The following COL14A1 variants were observed in gnomAD, a reference collection of about 807,000 sequenced individuals.
COL14A1 encodes the protein collagen alpha-1(XIV) chain.
In COL14A1, 136 loss-of-function variants were observed where a neutral mutation model predicts 230.3. The observed-to-expected ratio is 0.59, with a 90% confidence interval of 0.51 to 0.68. The LOEUF is 0.68. Ranked by LOEUF, COL14A1 falls within the 30% of genes least tolerant of loss-of-function variation. The pLI, the probability that COL14A1 is intolerant of heterozygous loss-of-function variation, is 0.00. For missense variants in COL14A1, 1,976 were observed against 2,215.8 expected (o/e 0.89, Z 2.17); for synonymous variants, 792 against 784.1 (o/e 1.01, Z -0.17).
intron 5 of COL14A1, among the ~76,000 whole-genome samples, chr8:120,192,272 C>T (rs1816852921): frequency 6.6e-6 from 1 of 152,192 alleles, no homozygotes; most frequent in African/African-American, 2.4e-5. Context: ...ATTTGCTTGT[C>T]TTTAAAGTAT....
At chr8:120,147,270 G>A (rs1815127975) in intron 1 of COL14A1, among the ~76,000 whole-genome samples, 1 of 151,966 alleles carries the variant, frequency 6.6e-6, no homozygotes, top group East Asian at 1.9e-4. Context: ...GGAAAAAGAA[G>A]AACTATGAGA....
At chr8:120,223,495 C>A (rs1249385092) in intron 14 of COL14A1, among the ~76,000 whole-genome samples, 1 of 152,056 alleles carries the variant, frequency 6.6e-6, no homozygotes, top group Non-Finnish European at 1.5e-5. Context: ...CATGGTGAAA[C>A]CCTGTCTCTA....
At chr8:120,237,361 A>G (rs1818477736) in intron 19 of COL14A1, among the ~76,000 whole-genome samples, 1 of 151,892 alleles carries the variant, frequency 6.6e-6, no homozygotes, top group African/African-American at 2.4e-5. Context: ...CCTTAAGTTG[A>G]TCTTCAATCT....
At chr8:120,149,380 A>G (rs2130474929) in intron 2 of COL14A1, among the ~76,000 whole-genome samples, 1 of 152,348 alleles carries the variant, frequency 6.6e-6, no homozygotes, top group South Asian at 2.1e-4. Context: ...CAACTACTTC[A>G]TTGAACACAC....
intron 45 of COL14A1, among the ~76,000 whole-genome samples, chr8:120,364,570 G>C (rs917570690): frequency 1.1e-4 from 17 of 152,194 alleles, no homozygotes; most frequent in Non-Finnish European, 1.6e-4. Context: ...AATGTAGTTT[G>C]TAATATAATA....
rs371046378 is a variant in COL14A1, at chr8:120,161,464, G to T, written c.206-962G>T. Among the ~76,000 whole-genome samples the T allele has an allele frequency of 1.7e-4, 26 of 152,318 alleles. No individual in the cohort carries two copies. In the East Asian group the frequency reaches 2.7e-3, roughly 16 times the overall value. On this transcript the variant is annotated intron_variant, in intron 3 of 47. Coordinates refer to ENST00000297848, the MANE Select transcript of COL14A1 (RefSeq NM_021110.4). ...GTGTAACCTGATGGAGAGGTAATGG[G>T]ATTTTGAAATCTTTTCATGAACCAA...
At chr8:120,265,485 T>C (rs1255134307) in intron 24 of COL14A1, among the ~76,000 whole-genome samples, 1 of 152,042 alleles carries the variant, frequency 6.6e-6, no homozygotes, top group African/African-American at 2.4e-5. Context: ...GTGATATATA[T>C]CCATAATAGT....
intron 32 of COL14A1, among the ~76,000 whole-genome samples, chr8:120,285,463 C>CAAAAAAAAAA (rs1218052645): frequency 1.5e-5 from 1 of 64,998 alleles, no homozygotes; most frequent in African/African-American, 6.2e-5. Context: ...GACTCCATCT[C>CAAAAAAAAAA]AAAAAAAAAA....
chr8:120,300,982 G>A (rs1820692870), intron 36 of COL14A1, among the ~76,000 whole-genome samples, 164 bp downstream of exon 36: 1 of 152,114 alleles, frequency 6.6e-6, no homozygotes, highest in South Asian at 2.1e-4. Context: ...AAAGAACACA[G>A]CTTGGAGGAG....
At chr8:120,244,812 T>C (rs1818714554) in intron 20 of COL14A1, among the ~76,000 whole-genome samples, 1 of 152,200 alleles carries the variant, frequency 6.6e-6, no homozygotes. Flanking sequence ...CTCCTATTCT[T>C]CTTATAGCAG....
intron 3 of COL14A1, among the ~76,000 whole-genome samples, chr8:120,160,665 C>T (rs1330006552): frequency 6.6e-6 from 1 of 152,186 alleles, no homozygotes; most frequent in East Asian, 1.9e-4. Flanking sequence ...AATCTGGTAT[C>T]TATTTGATTA....
At position 120,147,901 on chromosome 8, in the gene COL14A1, T is replaced by C. The variant is rs1441180407; in HGVS notation, c.59T>C (p.Val20Ala). Residue 20 changes from valine to alanine, a missense_variant, in exon 2 of 48, where the codon GTT becomes GCT. Transcript: ENST00000297848. ...YWLLPPFLAI[V>A]YFCTIVQGQV... ...TTGCTTCCACCTTTTTTGGCAATTG[T>C]TTATTTCTGCACCATTGTCCAAGGT... The C allele has an allele frequency of 1.2e-6, 2 of 1,613,924 alleles. No individual in the cohort carries two copies. The highest frequency in any genetic ancestry group is 3.3e-5 in the Admixed American group (2 of 60,012).
rs1194315140 is a variant in COL14A1 at position 120,315,583 on chromosome 8, A to G, written c.4602A>G (p.Pro1534=). ...AAGGAGATACTGGCCTTCCAGGTCCACAGGTATTATTTTTGTTTTTTAAGT... is the reference window on the plus strand; with the variant it reads ...AAGGAGATACTGGCCTTCCAGGTCCGCAGGTATTATTTTTGTTTTTTAAGT... The part of the protein sequence containing the change: ...GEKGDTGLPG[P]QGIPGGVGSP... The change falls in exon 39 of 48, where the codon CCA becomes CCG. Residue 1534 remains proline (P), a synonymous_variant. Coordinates refer to ENST00000297848, the MANE Select transcript of COL14A1 (RefSeq NM_021110.4). The G allele has an allele frequency of 6.2e-7, 1 of 1,613,300 alleles. No homozygotes were observed. Among genetic ancestry groups the G allele is most frequent in the Non-Finnish European group, 8.5e-7 (1 of 1,179,440 alleles).
At chr8:120,139,947 G>C (rs914087733) in intron 1 of COL14A1, among the ~76,000 whole-genome samples, 1 of 152,128 alleles carries the variant, frequency 6.6e-6, no homozygotes, top group African/African-American at 2.4e-5. Context: ...AGGATCTCTT[G>C]AGTCTAGGAG....
At chr8:120,273,740 G>A (rs192017508) in intron 26 of COL14A1, among the ~76,000 whole-genome samples, 2 of 149,580 alleles carry the variant, frequency 1.3e-5, no homozygotes, top group South Asian at 2.1e-4. Context: ...ATTAAATCAA[G>A]AATAAGCCCT....
In COL14A1 at chr8:120,267,982, G is replaced by A. The variant is rs182306681; in HGVS notation, c.3073+1099G>A. ...CTTAAAGTGCCTGTTACATACCAGG[G>A]AAACAATAAAAAATAAGTTGTTGAG... is the stretch of plus-strand genomic sequence containing the variant. On this transcript the variant is annotated intron_variant, in intron 25 of 47. Coordinates refer to ENST00000297848, the MANE Select transcript of COL14A1 (RefSeq NM_021110.4). Among the ~76,000 whole-genome samples, 33 of 151,732 alleles carry A rather than the reference G, an allele frequency of 2.2e-4. 1 individual carries two copies. Among genetic ancestry groups the A allele is most frequent in the East Asian group, 7.8e-4 (4 of 5,152 alleles).
chr8:120,131,950 G>C (rs1035066084), intron 1 of COL14A1, among the ~76,000 whole-genome samples: 14 of 144,220 alleles, frequency 9.7e-5, no homozygotes, highest in Admixed American at 9.5e-4. Flanking sequence ...GGGTTCAGGC[G>C]ATTCTCCTGC....
intron 45 of COL14A1, among the ~76,000 whole-genome samples, chr8:120,346,804 G>T (rs1164908972): frequency 6.6e-6 from 1 of 152,126 alleles, no homozygotes; most frequent in South Asian, 2.1e-4. Flanking sequence ...AGGCATTAGC[G>T]AACAGCCAGG....
chr8:120,131,838 CTTTTTTT>C (rs1172286717), intron 1 of COL14A1, among the ~76,000 whole-genome samples: 7 of 68,948 alleles, frequency 1.0e-4, no homozygotes, highest in African/African-American at 2.3e-4. Context: ...TTCTTCCTTT[CTTTTTTT>C]TTTTTTTTTT....
Sources: allele counts gnomAD v4.1 joint callset (sites outside exome capture counted in the v4.1 genomes callset), GRCh38; gene constraint gnomAD v4.1.1; transcripts MANE v1.5; gene names NCBI Gene and HGNC (gene_info 2026-07-23, HGNC 2026-07-21).